NOL10: variants seen among roughly 807,000 people sequenced by gnomAD.
NOL10 encodes the protein nucleolar protein 10.
NOL10 carries 58 observed loss-of-function variants against 103.5 expected under a neutral mutation model. The observed-to-expected ratio is 0.56, with a 90% CI of 0.45 to 0.70. The LOEUF (loss-of-function observed/expected upper bound fraction) is 0.70. NOL10 is among the 30% of genes least tolerant of loss of function. The pLI is 0.00. For synonymous variants in NOL10, 287 were observed against 282.5 expected, an observed-to-expected ratio of 1.02 and a Z score of -0.16; for missense variants, 763 against 807.3, an observed-to-expected ratio of 0.95 and a Z score of 0.67.
Position 10,572,165 on chromosome 2 carries a change from T to A in NOL10, c.1973A>T (p.Glu658Val). ...KRSEQQKKQQ[E>V]AEKLHRQERK... ...TTCTTGTCGATGCAGTTTCTCAGCCTCCTGTTGCTTCTTCTGCTGTTCAGA... is the reference window on the plus strand; with the variant it reads ...TTCTTGTCGATGCAGTTTCTCAGCCACCTGTTGCTTCTTCTGCTGTTCAGA... The change falls in exon 21 of 21, where the codon GAG becomes GTG. Residue 658 changes from glutamate to valine, a missense_variant. Transcript: ENST00000381685. The A allele has an allele frequency of 6.2e-7, 1 of 1,614,004 alleles. No individual in the cohort carries two copies. The highest frequency in any genetic ancestry group is 8.5e-7 in the Non-Finnish European group (1 of 1,179,884).
chr2:10,652,846 T>C (rs1255883747), intron 12 of NOL10, among the ~76,000 whole-genome samples: 1 of 152,150 alleles, frequency 6.6e-6, no homozygotes, highest in Admixed American at 6.5e-5. Flanking sequence ...CAAGCACAAG[T>C]CTGCGGATCG....
At chr2:10,614,162 G>A (rs891620431) in intron 13 of NOL10, among the ~76,000 whole-genome samples, 5 of 152,108 alleles carry the variant, frequency 3.3e-5, no homozygotes, top group African/African-American at 9.7e-5. Flanking sequence ...GTTTCACCAC[G>A]TTGGCCAGGC....
rs1209732790 is a variant in NOL10 at position 10,671,581 on chromosome 2, G to C, written c.437C>G (p.Ser146Cys). The part of the protein sequence containing the change: ...FGRDFSYHYP[S>C]CDLYFVGASS... ...TGCACCAACAAAGTACAAGTCACAG[G>C]ATGGATAGTGGTAAGAGAAATCTCT... The change falls in exon 6 of 21, where the codon TCC becomes TGC. Residue 146 changes from serine to cysteine, a missense_variant. Transcript: ENST00000381685. 2 of 1,606,206 alleles carry C rather than the reference G, an allele frequency of 1.2e-6. No homozygotes were observed. Among genetic ancestry groups the C allele is most frequent in the African/African-American group, 2.7e-5 (2 of 74,780 alleles).
intron 13 of NOL10, among the ~76,000 whole-genome samples, chr2:10,620,086 C>T (rs571285688): frequency 5.3e-5 from 8 of 152,280 alleles, no homozygotes; most frequent in African/African-American, 1.9e-4. Flanking sequence ...TGGTAATGAG[C>T]ATCTCCCAAG....
chr2:10,640,328 G>A (rs181609153), intron 13 of NOL10, among the ~76,000 whole-genome samples: 92 of 152,320 alleles, frequency 6.0e-4, no homozygotes, highest in African/African-American at 2.1e-3. Flanking sequence ...CAGTTTCCAA[G>A]TAAAGACAAG....
chr2:10,608,285 T>G (rs568843040), intron 13 of NOL10, among the ~76,000 whole-genome samples: 1 of 152,312 alleles, frequency 6.6e-6, no homozygotes, highest in African/African-American at 2.4e-5. Flanking sequence ...AACAAAAGGC[T>G]GAACAGAATT....
intron 3 of NOL10, among the ~76,000 whole-genome samples, chr2:10,678,591 A>G (rs550950099): frequency 6.6e-6 from 1 of 152,268 alleles, no homozygotes; most frequent in South Asian, 2.1e-4. Flanking sequence ...TAACAAATCA[A>G]TACTTTGCAC....
intron 14 of NOL10, among the ~76,000 whole-genome samples, chr2:10,604,113 G>A (rs993386267): frequency 5.9e-5 from 9 of 152,112 alleles, no homozygotes; most frequent in East Asian, 1.9e-4. Flanking sequence ...CTAGTTTCAC[G>A]CTCCTATAAG....
intron 14 of NOL10, among the ~76,000 whole-genome samples, chr2:10,605,395 C>A (rs1388784264): frequency 6.6e-6 from 1 of 152,164 alleles, no homozygotes; most frequent in African/African-American, 2.4e-5. Context: ...CTTACTTCTA[C>A]TCTTAAGATA....
chr2:10,685,488 TCCCCCCCCCCCC>T lies in NOL10; in HGVS notation c.67-888_67-877del, dbSNP rs56198509. Among the ~76,000 whole-genome samples the T allele has an allele frequency of 1.4e-3, 12 of 8,394 alleles. 2 individuals are homozygous for T. Among genetic ancestry groups the T allele is most frequent in the Admixed American group, 0.014 (11 of 788 alleles). 5.5% of individuals were successfully genotyped at this position (8,394 alleles called of 152,430 possible). A position where few individuals can be genotyped will look rare whatever the true frequency, so the allele number is the denominator to read the frequency against. ...GGCCTGGTGACTGAGAGAGACTCCG[TCCCCCCCCCCCC>T]CCCCCCCGCCAAAAAAAAAGAAAAA... On this transcript the variant is annotated intron_variant, in intron 1 of 20. Transcript: ENST00000381685.
chr2:10,630,888 G>A (rs573970504), intron 13 of NOL10, among the ~76,000 whole-genome samples: 12 of 152,286 alleles, frequency 7.9e-5, no homozygotes, highest in African/African-American at 2.4e-4. Context: ...TTTGAGCAAC[G>A]ACTTTCCCGT....
At position 10,577,632 on chromosome 2, in the gene NOL10, T is replaced by A; in HGVS notation, c.1947+4A>T. On this transcript the variant is annotated splice_donor_region_variant and intron_variant, in intron 20 of 20. Transcript: ENST00000381685. ...TTAAAAAATAACAATAAAAGACAAC[T>A]CACCCTCTTTAACGTGAATGTCAAT... 1 of 1,597,752 alleles carries A rather than the reference T, an allele frequency of 6.3e-7. No homozygotes were observed. Among genetic ancestry groups the A allele is most frequent in the Non-Finnish European group, 8.6e-7 (1 of 1,167,582 alleles).
intron 9 of NOL10, among the ~76,000 whole-genome samples, chr2:10,661,080 T>C (rs2148322901): frequency 6.6e-6 from 1 of 152,304 alleles, no homozygotes; most frequent in Non-Finnish European, 1.5e-5. Context: ...ACACTTTATT[T>C]ATTTGTTTGT....
chr2:10,630,797 C>G (rs1444172956), intron 13 of NOL10, among the ~76,000 whole-genome samples: 1 of 152,146 alleles, frequency 6.6e-6, no homozygotes, highest in East Asian at 1.9e-4. Flanking sequence ...CTTGGAGATC[C>G]CTTCTAGCTC....
At chr2:10,675,448 T>C (rs1681239463) in intron 4 of NOL10, among the ~76,000 whole-genome samples, 1 of 152,002 alleles carries the variant, frequency 6.6e-6, no homozygotes, top group African/African-American at 2.4e-5. Context: ...TTTTATTATT[T>C]TGGGGGTTTG....
At chr2:10,626,934 G>T (rs778637313) in intron 13 of NOL10, among the ~76,000 whole-genome samples, 2 of 152,280 alleles carry the variant, frequency 1.3e-5, no homozygotes, top group East Asian at 1.9e-4. Flanking sequence ...AATGCGACAG[G>T]ATGCTCAGAA....
chr2:10,684,276 C>CAAA (rs55930710), intron 2 of NOL10, among the ~76,000 whole-genome samples: 1 of 134,986 alleles, frequency 7.4e-6, no homozygotes, highest in Non-Finnish European at 1.6e-5. Flanking sequence ...AACTCCATCT[C>CAAA]AAAAAAAAAA....
At chr2:10,685,400 G>A (rs1682086074) in intron 1 of NOL10, among the ~76,000 whole-genome samples, 1 of 149,358 alleles carries the variant, frequency 6.7e-6, no homozygotes, top group African/African-American at 2.5e-5. Flanking sequence ...GGCTGAGGAA[G>A]GGGAATCACT....
intron 3 of NOL10, among the ~76,000 whole-genome samples, chr2:10,679,589 TTTCCTCTCTCC>T (rs1473893214): frequency 6.6e-6 from 1 of 151,724 alleles, no homozygotes; most frequent in African/African-American, 2.4e-5. Context: ...TTCCTTTTTC[TTTCCTCTCTCC>T]TTCCTCTCTT....
Sources: gnomAD v4.1 joint callset for allele counts (sites outside exome capture counted in the v4.1 genomes callset) on GRCh38, gnomAD v4.1.1 for gene constraint, MANE v1.5 for transcripts, NCBI Gene and HGNC (gene_info 2026-07-23, HGNC 2026-07-21) for gene names.